The following NAALADL2 variants were observed in gnomAD, a reference collection of about 807,000 sequenced individuals.
The protein encoded by NAALADL2 is inactive N-acetylated-alpha-linked acidic dipeptidase-like protein 2.
In NAALADL2, 76 loss-of-function variants were observed where a neutral mutation model predicts 87.2. That is an observed-to-expected ratio of 0.87 (90% CI 0.72 to 1.05). The LOEUF is 1.05. NAALADL2 is among the 50% of genes least tolerant of loss of function. The pLI, the probability that NAALADL2 is intolerant of heterozygous loss-of-function variation, is 0.00. For missense variants in NAALADL2, 1,089 were observed against 945.8 expected (o/e 1.15, Z -1.99); for synonymous variants, 354 against 331.0 (o/e 1.07, Z -0.75).
chr3:175,517,812 C>T (rs541201592), intron 9 of NAALADL2, among the ~76,000 whole-genome samples: 2 of 152,216 alleles, frequency 1.3e-5, no homozygotes, highest in South Asian at 4.2e-4. Flanking sequence ...GGAATTCCAG[C>T]CCGTGGCGGA....
At chr3:175,268,077 A>C (rs1581196021) in intron 4 of NAALADL2, among the ~76,000 whole-genome samples, 1 of 152,198 alleles carries the variant, frequency 6.6e-6, no homozygotes, top group East Asian at 1.9e-4. Flanking sequence ...TCACTTAACA[A>C]AGGGGATACA....
chr3:175,313,152 A>T (rs1445517473), intron 4 of NAALADL2, among the ~76,000 whole-genome samples: 1 of 151,938 alleles, frequency 6.6e-6, no homozygotes, highest in Non-Finnish European at 1.5e-5. Context: ...TTTGCTTCTG[A>T]GTACCTGAGT....
intron 2 of NAALADL2, among the ~76,000 whole-genome samples, chr3:174,598,558 G>A (rs1174966673): frequency 6.6e-6 from 1 of 152,122 alleles, no homozygotes. Flanking sequence ...GTATGCTGGT[G>A]TATTTTTAAA....
intron 1 of NAALADL2, among the ~76,000 whole-genome samples, chr3:174,892,516 A>G (rs1043690861): frequency 6.6e-6 from 1 of 152,200 alleles, no homozygotes; most frequent in Admixed American, 6.5e-5. Flanking sequence ...GTAAAAATCT[A>G]AGAGTTATTG....
At chr3:175,586,198 C>T (rs1266229489) in intron 10 of NAALADL2, among the ~76,000 whole-genome samples, 1 of 151,522 alleles carries the variant, frequency 6.6e-6, no homozygotes, top group Non-Finnish European at 1.5e-5. Flanking sequence ...GTCTAGTTCA[C>T]AGCTTGTATA....
chr3:175,232,192 GGAA>G (rs66774766), intron 2 of NAALADL2, among the ~76,000 whole-genome samples: 29,741 of 148,766 alleles, frequency 0.2, 3,117 homozygotes, highest in East Asian at 0.3. Flanking sequence ...AAGAGGAAGA[GGAA>G]GAAGAAGAAG....
chr3:175,505,913 C>T (rs772498016), intron 9 of NAALADL2, among the ~76,000 whole-genome samples: 10 of 152,152 alleles, frequency 6.6e-5, no homozygotes, highest in East Asian at 1.9e-4. Context: ...GCCTCTTGAA[C>T]GGTGTTTCCT....
intron 3 of NAALADL2, among the ~76,000 whole-genome samples, chr3:174,821,818 T>C (rs1721456904): frequency 6.6e-6 from 1 of 152,190 alleles, no homozygotes; most frequent in African/African-American, 2.4e-5. Flanking sequence ...ACTATCCAGA[T>C]TGAGAATTAT....
At chr3:174,659,557 A>AT in intron 2 of NAALADL2, among the ~76,000 whole-genome samples, 2 of 152,186 alleles carry the variant, frequency 1.3e-5, no homozygotes, top group East Asian at 3.9e-4. Context: ...CTTTAGATTC[A>AT]TTCTCCTTCT....
At chr3:175,486,354 A>G (rs1415395640) in intron 9 of NAALADL2, among the ~76,000 whole-genome samples, 2 of 152,088 alleles carry the variant, frequency 1.3e-5, no homozygotes, top group Non-Finnish European at 2.9e-5. Context: ...TCTAGGACTC[A>G]TGGAGTCTAA....
At chr3:174,739,186 CT>C (rs560573981) in intron 3 of NAALADL2, among the ~76,000 whole-genome samples, 10 of 151,636 alleles carry the variant, frequency 6.6e-5, no homozygotes, top group East Asian at 5.8e-4. Flanking sequence ...GGAGTGTATT[CT>C]TTTTTTTCAC....
At chr3:174,558,408 A>G (rs372284628) in intron 2 of NAALADL2, among the ~76,000 whole-genome samples, 5 of 152,150 alleles carry the variant, frequency 3.3e-5, no homozygotes, top group Non-Finnish European at 7.3e-5. Flanking sequence ...ATTGTAATAT[A>G]TAATGAAATA....
At position 175,385,710 on chromosome 3, in the gene NAALADL2, T is replaced by C. The variant is rs532489667; in HGVS notation, c.1090+61385T>C. Among the ~76,000 whole-genome samples the C allele has an allele frequency of 2.0e-5, 3 of 152,266 alleles. No individual in the cohort carries two copies. The South Asian group carries it at 6.2e-4, about 32-fold the overall frequency. On this transcript the variant is annotated intron_variant, in intron 5 of 13. Coordinates refer to ENST00000454872, the MANE Select transcript of NAALADL2 (RefSeq NM_207015.3). ...ACCTTGATTTGAGTATATGAATGTATCAAATTATCACATCTACCTCAAAAA... is the reference window on the plus strand; with the variant it reads ...ACCTTGATTTGAGTATATGAATGTACCAAATTATCACATCTACCTCAAAAA...
chr3:175,281,394 T>G (rs1754293759), intron 4 of NAALADL2, among the ~76,000 whole-genome samples: 1 of 151,916 alleles, frequency 6.6e-6, no homozygotes, highest in African/African-American at 2.4e-5. Context: ...CTCTCTCACT[T>G]TTTCATATCA....
chr3:174,468,384 C>CTTTTTTTTTTTTTTTTTTTTTTCTT (rs67829845), intron 1 of NAALADL2, among the ~76,000 whole-genome samples: 1 of 132,738 alleles, frequency 7.5e-6, no homozygotes, highest in Non-Finnish European at 1.6e-5. Context: ...CTTTCTTTTT[C>CTTTTTTTTTTTTTTTTTTTTTTCTT]TTTTTTTTTT....
chr3:174,705,601 G>A (rs1225801152), intron 2 of NAALADL2, among the ~76,000 whole-genome samples: 1 of 151,860 alleles, frequency 6.6e-6, no homozygotes, highest in Non-Finnish European at 1.5e-5. Context: ...TGGCTAACAC[G>A]GTGAAACCCT....
intron 2 of NAALADL2, among the ~76,000 whole-genome samples, chr3:175,152,135 G>A (rs1731634433): frequency 6.6e-6 from 1 of 152,094 alleles, no homozygotes; most frequent in South Asian, 2.1e-4. Flanking sequence ...TATATTGTAG[G>A]ATGTTATCGA....
chr3:175,193,775 A>G (rs962538195), intron 2 of NAALADL2, among the ~76,000 whole-genome samples: 3 of 152,020 alleles, frequency 2.0e-5, no homozygotes, highest in South Asian at 2.1e-4. Flanking sequence ...ATTTCAAACT[A>G]GAACAGGTGT....
At chr3:174,676,320 G>T (rs1727030950) in intron 2 of NAALADL2, among the ~76,000 whole-genome samples, 1 of 152,020 alleles carries the variant, frequency 6.6e-6, no homozygotes, top group Non-Finnish European at 1.5e-5. Context: ...ATGAGAAAAT[G>T]ATAATCCTTG....
Sources: allele counts gnomAD v4.1 joint callset (sites outside exome capture counted in the v4.1 genomes callset), GRCh38; gene constraint gnomAD v4.1.1; transcripts MANE v1.5; gene names NCBI Gene and HGNC (gene_info 2026-07-23, HGNC 2026-07-21).